The following ASIC2 variants were observed in gnomAD, a reference collection of about 807,000 sequenced individuals.
ASIC2 encodes acid-sensing ion channel 2.
A neutral mutation model predicts 57.3 loss-of-function variants in ASIC2; 25 were observed. That is an observed-to-expected ratio of 0.44 (90% CI 0.32 to 0.61). ASIC2 has a LOEUF of 0.61. Among genes scored for constraint, ASIC2 ranks in the 20% least tolerant of loss-of-function variants. The pLI is 0.06. For missense variants in ASIC2, 641 were observed against 738.1 expected, an observed-to-expected ratio of 0.87 and a Z score of 1.52; for synonymous variants, 319 against 307.5, an observed-to-expected ratio of 1.04 and a Z score of -0.39.
upstream of ASIC2, among the ~76,000 whole-genome samples, chr17:33,297,912 G>A (rs935104318): frequency 1.3e-5 from 2 of 148,960 alleles, no homozygotes; most frequent in African/African-American, 4.9e-5. Flanking sequence ...TTTTGTGGGG[G>A]TAACTGTGAC....
In ASIC2 at chr17:33,144,768, G is replaced by T. The variant is rs1336170466; in HGVS notation, c.709-32701C>A. Among the ~76,000 whole-genome samples, 4 of 152,106 alleles carry T rather than the reference G, an allele frequency of 2.6e-5. No individual in the cohort carries two copies. In the East Asian group the frequency reaches 7.7e-4, roughly 29 times the overall value. ...CAGAGCTCATGAGGGTTGGGGAGCT[G>T]GGACACCCACTATATGGGTATCTAT... On this transcript the variant is annotated intron_variant, in intron 1 of 9. Coordinates refer to ENST00000225823, the MANE Select transcript of ASIC2 (RefSeq NM_183377.2).
intron 1 of ASIC2, among the ~76,000 whole-genome samples, chr17:33,958,647 A>G (rs897233213): frequency 6.6e-6 from 1 of 152,012 alleles, no homozygotes; most frequent in African/African-American, 2.4e-5. Flanking sequence ...GGGGTCTTGG[A>G]CCCAGCCCAT....
intron 1 of ASIC2, among the ~76,000 whole-genome samples, chr17:33,932,888 G>C (rs56387908): frequency 6.6e-6 from 1 of 151,790 alleles, no homozygotes; most frequent in African/African-American, 2.4e-5. Flanking sequence ...TTAGACTGCA[G>C]AGGTTTAGAG....
intron 1 of ASIC2, among the ~76,000 whole-genome samples, chr17:33,568,317 C>T (rs1916313040): frequency 6.6e-6 from 1 of 152,212 alleles, no homozygotes; most frequent in Non-Finnish European, 1.5e-5. Flanking sequence ...AAGCCCTTAC[C>T]TTTGGCTTGC....
chr17:33,638,094 A>G (rs2142031732), intron 1 of ASIC2, among the ~76,000 whole-genome samples: 1 of 152,284 alleles, frequency 6.6e-6, no homozygotes, highest in Middle Eastern at 3.4e-3. Flanking sequence ...ATCTCAAAAG[A>G]CAAATCTTAG....
chr17:34,077,799 G>A (rs891485584), intron 1 of ASIC2, among the ~76,000 whole-genome samples: 2 of 152,096 alleles, frequency 1.3e-5, no homozygotes, highest in Non-Finnish European at 2.9e-5. Flanking sequence ...CAGAGAGAGT[G>A]CGTCCCAGCC....
chr17:33,531,143 C>T (rs1915038602), intron 1 of ASIC2, among the ~76,000 whole-genome samples: 2 of 152,238 alleles, frequency 1.3e-5, no homozygotes, highest in South Asian at 4.2e-4. Flanking sequence ...ATTCAGGCCT[C>T]GATCAGTAGA....
At chr17:33,949,786 T>C (rs1285623044) in intron 1 of ASIC2, among the ~76,000 whole-genome samples, 2 of 152,158 alleles carry the variant, frequency 1.3e-5, no homozygotes, top group African/African-American at 2.4e-5. Flanking sequence ...GAAGAGATAG[T>C]CATAGAAAGC....
chr17:34,118,008 C>A (rs966379198), intron 1 of ASIC2, among the ~76,000 whole-genome samples: 12 of 152,166 alleles, frequency 7.9e-5, no homozygotes, highest in Admixed American at 6.5e-5. Context: ...TGGAGAATTC[C>A]TGTAAGGCTT....
chr17:34,155,408 C>G (rs1357809972), intron 1 of ASIC2, among the ~76,000 whole-genome samples: 1 of 152,094 alleles, frequency 6.6e-6, no homozygotes, highest in Non-Finnish European at 1.5e-5. Context: ...GGAAAGGAAG[C>G]AAGGAGACTT....
chr17:34,070,489 G>A (rs1226258717), intron 1 of ASIC2: 1 of 152,170 alleles, frequency 6.6e-6, no homozygotes, highest in African/African-American at 2.4e-5. Context: ...AAAGACAGAA[G>A]TCAGAGCTGG....
At chr17:33,325,486 A>C (rs1407841050) in intron 1 of ASIC2, among the ~76,000 whole-genome samples, 2 of 152,176 alleles carry the variant, frequency 1.3e-5, no homozygotes, top group African/African-American at 4.8e-5. Flanking sequence ...AGAAGGCCTG[A>C]CTGGCTGAAG....
At chr17:33,225,384 A>G (rs1315509885) in intron 1 of ASIC2, among the ~76,000 whole-genome samples, 1 of 152,192 alleles carries the variant, frequency 6.6e-6, no homozygotes, top group Non-Finnish European at 1.5e-5. Context: ...TAAAATGGGG[A>G]TGATAACAGT....
chr17:33,115,642 G>C (rs138111206), intron 1 of ASIC2, among the ~76,000 whole-genome samples: 1 of 152,346 alleles, frequency 6.6e-6, no homozygotes, highest in African/African-American at 2.4e-5. Context: ...TTCTCAGAGA[G>C]GTGCTTGGCT....
chr17:33,590,872 G>A (rs142863650), intron 1 of ASIC2, among the ~76,000 whole-genome samples: 107 of 152,306 alleles, frequency 7.0e-4, no homozygotes, highest in Admixed American at 2.7e-3. Flanking sequence ...CCAAGAGTTG[G>A]TTTCCAAAGC....
chr17:33,224,121 A>G (rs1483752858), intron 1 of ASIC2, among the ~76,000 whole-genome samples: 1 of 152,206 alleles, frequency 6.6e-6, no homozygotes, highest in Admixed American at 6.5e-5. Context: ...TTCAGATGCA[A>G]GCCAAGAACA....
intron 1 of ASIC2, among the ~76,000 whole-genome samples, chr17:33,129,681 T>C (rs1271906180): frequency 6.6e-6 from 1 of 152,174 alleles, no homozygotes; most frequent in African/African-American, 2.4e-5. Context: ...GGCAGATGCA[T>C]CTGAATGTGT....
intron 1 of ASIC2, among the ~76,000 whole-genome samples, chr17:33,116,467 G>C (rs1456808927): frequency 6.6e-6 from 1 of 152,184 alleles, no homozygotes; most frequent in African/African-American, 2.4e-5. Context: ...CTGCTATTCT[G>C]CCAGGCATTT....
At chr17:33,986,715 A>G (rs951005500) in intron 1 of ASIC2, among the ~76,000 whole-genome samples, 1 of 151,916 alleles carries the variant, frequency 6.6e-6, no homozygotes, top group African/African-American at 2.4e-5. Context: ...TGCTCCATAA[A>G]TTCATATTTA....
Sources: gnomAD v4.1 joint callset for allele counts (sites outside exome capture counted in the v4.1 genomes callset) on GRCh38, gnomAD v4.1.1 for gene constraint, MANE v1.5 for transcripts, NCBI Gene and HGNC (gene_info 2026-07-23, HGNC 2026-07-21) for gene names.